The following MAP4K2 variants were observed in gnomAD, a reference collection of about 807,000 sequenced individuals.
MAP4K2 encodes B lymphocyte serine/threonine protein kinase.
MAP4K2 carries 85 observed loss-of-function variants against 125.3 expected under a neutral mutation model. That is an observed-to-expected ratio of 0.68 (90% CI 0.57 to 0.81). The LOEUF (loss-of-function observed/expected upper bound fraction) is 0.81, where lower values mean the gene tolerates loss of function less well. Ranked by LOEUF, MAP4K2 falls within the 40% of genes least tolerant of loss-of-function variation. The probability of loss-of-function intolerance (pLI) is 0.00; values close to 1 mark genes in which losing one functional copy is unlikely to be tolerated. For missense variants in MAP4K2, 923 were observed against 1,056.4 expected (o/e 0.87, Z 1.75); for synonymous variants, 479 against 445.1 (o/e 1.08, Z -0.96).
In MAP4K2 at chr11:64,786,187, T is replaced by C. The variant is rs759199519; in HGVS notation, c.*3350A>G. 3 of 152,244 alleles carry C rather than the reference T, an allele frequency of 2.0e-5. No individual in the cohort carries two copies. The South Asian group carries it at 6.2e-4, about 31-fold the overall frequency. 9.4% of individuals were successfully genotyped at this position (152,244 alleles called of 1,614,324 possible). ...CATTTTGTTTTTGAGCTTTATAATATGCTATCGTACTGTGCATAAAGTGCT... is the reference window on the plus strand; with the variant it reads ...CATTTTGTTTTTGAGCTTTATAATACGCTATCGTACTGTGCATAAAGTGCT... On this transcript the variant is annotated 3_prime_UTR_variant, in exon 32 of 32. Coordinates refer to ENST00000294066, the MANE Select transcript of MAP4K2 (RefSeq NM_004579.5).
At position 64,803,039 on chromosome 11, in the gene MAP4K2, C is replaced by T. The variant is rs1269513249; in HGVS notation, c.96+15G>A. ...TGGCACCCTCCTCCCGGCTCTCCCG[C>T]CCGTCCCGTCGCACCTTGTAGACGT... On this transcript the variant is annotated intron_variant, in intron 1 of 31. Coordinates refer to ENST00000294066, the MANE Select transcript of MAP4K2 (RefSeq NM_004579.5). 1.2e-6 allele frequency: 2 copies of T among 1,601,454 alleles called. No individual in the cohort carries two copies. Among genetic ancestry groups the T allele is most frequent in the Non-Finnish European group, 8.5e-7 (1 of 1,177,110 alleles).
chr11:64,791,158 G>T lies in MAP4K2; in HGVS notation c.2093-696C>A, dbSNP rs530856920. On this transcript the variant is annotated intron_variant, in intron 27 of 31. Transcript: ENST00000294066. ...CTCAAAAAATAAAAAAATAAATAAA[G>T]AATAAAATCCTGTGTGTGAGACCCC... 2.2e-4 allele frequency among the ~76,000 whole-genome samples: 33 copies of T among 152,230 alleles called. 1 individual carries two copies. The highest frequency in any genetic ancestry group is 2.6e-4 in the African/African-American group (11 of 41,538).
At position 64,786,257 on chromosome 11, in the gene MAP4K2, CTG is replaced by C. The variant is rs1191720026; in HGVS notation, c.*3278_*3279del. ...AGTCATCTATGTTATTGCATTATGT[CTG>C]TTACAGTATTTCTGATCCTCCTGAC... On this transcript the variant is annotated 3_prime_UTR_variant, in exon 32 of 32. Transcript: ENST00000294066. The C allele has an allele frequency of 2.6e-5, 4 of 152,186 alleles. No homozygotes were observed. The highest frequency in any genetic ancestry group is 7.2e-5 in the African/African-American group (3 of 41,442). 9.4% of individuals were successfully genotyped at this position (152,186 alleles called of 1,614,324 possible).
chr11:64,799,511 C>T, intron 13 of MAP4K2, 32 bp from the exon 14 acceptor site: 1 of 1,612,016 alleles, frequency 6.2e-7, no homozygotes, highest in Non-Finnish European at 8.5e-7. Flanking sequence ...AGTGAAGGAG[C>T]TGGAGTCTCA....
chr11:64,793,877 G>A (rs899364303), intron 24 of MAP4K2, among the ~76,000 whole-genome samples: 2 of 152,212 alleles, frequency 1.3e-5, no homozygotes, highest in Admixed American at 6.5e-5. Flanking sequence ...GTTTCCTGTA[G>A]GTCCTGCGCC....
chr11:64,801,490 C>G, intron 7 of MAP4K2, 89 bp downstream of exon 7: 1 of 1,456,920 alleles, frequency 6.9e-7, no homozygotes, highest in South Asian at 1.2e-5. Flanking sequence ...GGCAAAGTGA[C>G]TTGCCCAGTG....
In MAP4K2 at chr11:64,797,392, G is replaced by A. The variant is rs1477285528; in HGVS notation, c.1171-12C>T. 6.4e-7 allele frequency: 1 copy of A among 1,573,122 alleles called. No individual in the cohort carries two copies. Among genetic ancestry groups the A allele is most frequent in the Non-Finnish European group, 8.6e-7 (1 of 1,158,838 alleles). On this transcript the variant is annotated splice_polypyrimidine_tract_variant and intron_variant, in intron 17 of 31. Transcript: ENST00000294066. ...GGGGAGTCCAGCTCCTGGTAGGAGG[G>A]GCAGGGCCCAGCCCGGCCGTTACCA...
intron 27 of MAP4K2, among the ~76,000 whole-genome samples, chr11:64,791,033 G>A (rs1296627879): frequency 6.6e-6 from 1 of 152,222 alleles, no homozygotes; most frequent in Non-Finnish European, 1.5e-5. Context: ...CTACTCGGGA[G>A]GCTGAGGCAA....
At position 64,799,639 on chromosome 11, in the gene MAP4K2, G is replaced by T. The variant is rs762816335; in HGVS notation, c.960C>A (p.His320Gln). 1 of 1,614,032 alleles carries T rather than the reference G, an allele frequency of 6.2e-7. No homozygotes were observed. Among genetic ancestry groups the T allele is most frequent in the Non-Finnish European group, 8.5e-7 (1 of 1,180,036 alleles). Residue 320 changes from histidine (H) to glutamine (Q), a missense_variant, in exon 13 of 32, where the codon CAC (histidine) becomes CAA (glutamine). Physicochemically the swap from His to Gln is conservative, Grantham distance 24 (BLOSUM62 0). Transcript: ENST00000294066. ...CCGAGGGGGTCCTCTCGGCTGGGCC[G>T]TGCTGCCCCCGGGAGTGAATGGTGT... is the stretch of plus-strand genomic sequence containing the variant. Reference protein sequence around the residue: ...FPDTIHSRGQHGPAERTPSEI... With the variant: ...FPDTIHSRGQQGPAERTPSEI...
At chr11:64,802,831 G>A in intron 2 of MAP4K2, 54 bp downstream of exon 2, 1 of 1,560,022 alleles carries the variant, frequency 6.4e-7, no homozygotes. Flanking sequence ...CGCACCCCGC[G>A]CCCGCGGGCG....
chr11:64,790,279 A>G lies in MAP4K2; in HGVS notation c.2162-5T>C. On this transcript the variant is annotated splice_polypyrimidine_tract_variant and splice_region_variant and intron_variant, in intron 28 of 31. Coordinates refer to ENST00000294066, the MANE Select transcript of MAP4K2 (RefSeq NM_004579.5). ...TGTTGACAATCCTCACACAGCCTGC[A>G]CAGGGAAGGAATTGGTGAGTGGGGA... 6.2e-7 allele frequency: 1 copy of G among 1,614,128 alleles called. No individual in the cohort carries two copies. The highest frequency in any genetic ancestry group is 8.5e-7 in the Non-Finnish European group (1 of 1,179,986).
chr11:64,787,340 A>T lies in MAP4K2; in HGVS notation c.*2197T>A, dbSNP rs1350958314. 2.6e-5 allele frequency: 4 copies of T among 151,962 alleles called. No homozygotes were observed. Among genetic ancestry groups the T allele is most frequent in the African/African-American group, 9.7e-5 (4 of 41,368 alleles). 9.4% of individuals were successfully genotyped at this position (151,962 alleles called of 1,614,324 possible). ...CACCACACCTGGCCCCCCAGGATAT[A>T]TTTTTAAAGGGCAAGGTCAGTACAG... is the stretch of plus-strand genomic sequence containing the variant. On this transcript the variant is annotated 3_prime_UTR_variant, in exon 32 of 32. Transcript: ENST00000294066.
chr11:64,800,036 T>C (rs1941065290), intron 12 of MAP4K2, 73 bp downstream of exon 12: 1 of 1,267,916 alleles, frequency 7.9e-7, no homozygotes, highest in Non-Finnish European at 1.1e-6. Flanking sequence ...TTAAAGGACC[T>C]CCACCAACAT....
intron 24 of MAP4K2, among the ~76,000 whole-genome samples, chr11:64,795,692 C>G (rs1346571914): frequency 1.3e-5 from 2 of 152,158 alleles, no homozygotes; most frequent in Non-Finnish European, 2.9e-5. Flanking sequence ...GTGAGCCCCC[C>G]CGCCCAGACT....
intron 29 of MAP4K2, 51 bp downstream of exon 29, chr11:64,790,129 TGAGCAACA>T (rs1338920239): frequency 3.1e-6 from 5 of 1,598,184 alleles, no homozygotes; most frequent in Middle Eastern, 1.7e-4. Context: ...CCCAGGCCCC[TGAGCAACA>T]ACGTGCTCCA....
At chr11:64,791,805 T>TG in intron 27 of MAP4K2, 104 bp downstream of exon 27, 1 of 1,270,386 alleles carries the variant, frequency 7.9e-7, no homozygotes, top group East Asian at 2.6e-5. Flanking sequence ...GTGGAGCCAC[T>TG]GGCTGTGGGG....
At chr11:64,794,702 G>A (rs1023441914) in intron 24 of MAP4K2, among the ~76,000 whole-genome samples, 2 of 152,004 alleles carry the variant, frequency 1.3e-5, no homozygotes, top group African/African-American at 4.8e-5. Context: ...AGGCTGCTCC[G>A]CCCCAACACA....
intron 10 of MAP4K2, 92 bp downstream of exon 10, chr11:64,800,672 C>T: frequency 6.6e-7 from 1 of 1,512,704 alleles, no homozygotes; most frequent in African/African-American, 1.4e-5. Context: ...GGACAGGGCT[C>T]TTGGGGTTGC....
chr11:64,798,640 G>A (rs1940973485), intron 15 of MAP4K2, among the ~76,000 whole-genome samples, 154 bp downstream of exon 15: 1 of 151,658 alleles, frequency 6.6e-6, no homozygotes, highest in Non-Finnish European at 1.5e-5. Flanking sequence ...TCACCATGTT[G>A]GCAAAGCTGG....
Sources: gnomAD v4.1 joint callset for allele counts (sites outside exome capture counted in the v4.1 genomes callset) on GRCh38, gnomAD v4.1.1 for gene constraint, MANE v1.5 for transcripts, NCBI Gene and HGNC (gene_info 2026-07-23, HGNC 2026-07-21) for gene names.